Variants in TLN2 observed in about 807,000 individuals in gnomAD.
TLN2 encodes the protein talin-2.
A neutral mutation model predicts 294.7 loss-of-function variants in TLN2; 118 were observed. The ratio of observed to expected loss-of-function variants is 0.40; its 90% CI spans 0.34 to 0.47. The LOEUF is 0.47. Ranked by LOEUF, TLN2 falls within the 20% of genes least tolerant of loss-of-function variation. TLN2 has a pLI of 0.84. For missense variants in TLN2, 3,083 were observed against 3,282.2 expected (o/e 0.94, Z 1.48); for synonymous variants, 1,431 against 1,304.5 (o/e 1.10, Z -2.09).
intron 15 of TLN2, 91 bp downstream of exon 15, chr15:62,697,959 G>T: frequency 6.9e-7 from 1 of 1,457,356 alleles, no homozygotes; most frequent in South Asian, 1.2e-5. Context: ...CTGAGTGTTG[G>T]AACGCTCTCT....
intron 3 of TLN2, among the ~76,000 whole-genome samples, chr15:62,620,080 A>G (rs930347158): frequency 1.3e-5 from 2 of 152,158 alleles, no homozygotes; most frequent in Admixed American, 6.5e-5. Flanking sequence ...GGCTCAAGCA[A>G]TCCTCCCACC....
chr15:62,654,546 G>T (rs894156879), intron 7 of TLN2, among the ~76,000 whole-genome samples: 1 of 151,922 alleles, frequency 6.6e-6, no homozygotes, highest in African/African-American at 2.4e-5. Context: ...TTGAGGTCAG[G>T]AGTTTGAGAC....
At chr15:62,819,667 A>G (rs1354732671) in intron 53 of TLN2, 46 bp downstream of exon 53, 6 of 1,546,626 alleles carry the variant, frequency 3.9e-6, no homozygotes, top group Admixed American at 1.7e-5. Flanking sequence ...CCTCCCAGGC[A>G]GTGCTAATAC....
chr15:62,529,959 A>AG (rs745931465), intron 1 of TLN2, among the ~76,000 whole-genome samples: 14 of 152,148 alleles, frequency 9.2e-5, no homozygotes, highest in East Asian at 1.9e-4. Context: ...TGGGAGGCTA[A>AG]GGGGGGCGGA....
chr15:62,439,668 A>C (rs1197272079), intron 1 of TLN2, among the ~76,000 whole-genome samples: 1 of 152,168 alleles, frequency 6.6e-6, no homozygotes, highest in Non-Finnish European at 1.5e-5. Context: ...GAAGCCCCAC[A>C]GTGAGAATAA....
At position 62,707,094 on chromosome 15, in the gene TLN2, A is replaced by G. The variant is rs778175505; in HGVS notation, c.2013A>G (p.Leu671=). 6.2e-7 allele frequency: 1 copy of G among 1,611,872 alleles called. No homozygotes were observed. The highest frequency in any genetic ancestry group is 8.5e-7 in the Non-Finnish European group (1 of 1,178,672). Reference sequence around the variant, plus strand: ...TGATTCCCTTTTCTTAGGATGTTTTAATGAGTTTGGCCAAAGCTGTTGCCA... The same window carrying G: ...TGATTCCCTTTTCTTAGGATGTTTTGATGAGTTTGGCCAAAGCTGTTGCCA... ...NETDERFQDV[L]MSLAKAVANA... The change falls in exon 20 of 59, where the codon TTA becomes TTG. Residue 671 remains leucine (L), a synonymous_variant. Transcript: ENST00000636159.
At chr15:62,676,815 G>A (rs547673625) in intron 11 of TLN2, among the ~76,000 whole-genome samples, 10 of 152,214 alleles carry the variant, frequency 6.6e-5, no homozygotes, top group South Asian at 2.1e-4. Flanking sequence ...GGGTTTCACC[G>A]TGTTGCCCAG....
At chr15:62,838,330 C>G (rs1312765487) in intron 57 of TLN2, among the ~76,000 whole-genome samples, 2 of 152,174 alleles carry the variant, frequency 1.3e-5, no homozygotes, top group African/African-American at 4.8e-5. Flanking sequence ...TGCTGACTGT[C>G]CAGGAGGGAA....
rs1302041102 is a variant in TLN2 at position 62,477,879 on chromosome 15, C to G, written c.-238+87194C>G. Among the ~76,000 whole-genome samples the G allele has an allele frequency of 1.5e-4, 3 of 19,920 alleles. No individual in the cohort carries two copies. The East Asian group carries it at 4.2e-3, about 28-fold the overall frequency. 13.1% of individuals were successfully genotyped at this position (19,920 alleles called of 152,430 possible). On this transcript the variant is annotated intron_variant, in intron 1 of 58. Coordinates refer to ENST00000636159, the MANE Select transcript of TLN2 (RefSeq NM_015059.3). Reference sequence around the variant, plus strand: ...TGGCCCAAGGGTTGTGCTCCTGATACTGGCAGGTGGTGGGGGGGATGGAGG... The same window carrying G: ...TGGCCCAAGGGTTGTGCTCCTGATAGTGGCAGGTGGTGGGGGGGATGGAGG...
intron 1 of TLN2, among the ~76,000 whole-genome samples, chr15:62,502,398 G>T (rs2039355241): frequency 6.6e-6 from 1 of 152,212 alleles, no homozygotes; most frequent in Non-Finnish European, 1.5e-5. Context: ...TAAGGAGGAA[G>T]AATGTCTTTG....
intron 40 of TLN2, among the ~76,000 whole-genome samples, chr15:62,764,924 T>C: frequency 7.0e-6 from 1 of 143,856 alleles, no homozygotes. Context: ...TGAGCCGAGA[T>C]CACACTGCCG....
chr15:62,495,681 A>G (rs112677222), intron 1 of TLN2, among the ~76,000 whole-genome samples: 11 of 152,362 alleles, frequency 7.2e-5, no homozygotes, highest in Admixed American at 2.6e-4. Flanking sequence ...GCCCAGGCCT[A>G]TCACCTATTA....
intron 11 of TLN2, among the ~76,000 whole-genome samples, chr15:62,686,069 C>G (rs766427037): frequency 5.9e-5 from 9 of 152,124 alleles, no homozygotes; most frequent in Non-Finnish European, 1.3e-4. Context: ...ATAGACATTA[C>G]TATATCTTAA....
chr15:62,748,815 G>T (rs994742437), intron 33 of TLN2, among the ~76,000 whole-genome samples: 1 of 152,210 alleles, frequency 6.6e-6, no homozygotes, highest in Non-Finnish European at 1.5e-5. Flanking sequence ...GAACAATGGG[G>T]AGAGAGCTAG....
chr15:62,396,289 C>T (rs750922281), intron 1 of TLN2, among the ~76,000 whole-genome samples: 1 of 152,206 alleles, frequency 6.6e-6, no homozygotes, highest in Non-Finnish European at 1.5e-5. Flanking sequence ...CTTGTTCAAA[C>T]ACGCAGGCTT....
rs1476474368 is a variant in TLN2 at position 62,844,468 on chromosome 15, G to A, written c.*3858G>A. 6.6e-6 allele frequency: 1 copy of A among 152,020 alleles called. No individual in the cohort carries two copies. Among genetic ancestry groups the A allele is most frequent in the South Asian group, 2.1e-4 (1 of 4,818 alleles). 9.4% of individuals were successfully genotyped at this position (152,020 alleles called of 1,614,324 possible). ...TGCATCTCTTCATCCCACAAAACAC[G>A]AGGCTGGGTCTCATTCAGCGGCCTC... On this transcript the variant is annotated 3_prime_UTR_variant, in exon 59 of 59. Transcript: ENST00000636159.
At chr15:62,559,059 C>T (rs2042768402) in intron 1 of TLN2, among the ~76,000 whole-genome samples, 1 of 152,160 alleles carries the variant, frequency 6.6e-6, no homozygotes. Flanking sequence ...TGATTCTCTT[C>T]AAACCCCTGT....
At chr15:62,667,956 A>C (rs114969076) in intron 9 of TLN2, among the ~76,000 whole-genome samples, 184 of 152,342 alleles carry the variant, frequency 1.2e-3, no homozygotes, top group African/African-American at 4.2e-3. Flanking sequence ...CCACACAGAG[A>C]AATGAAAATA....
chr15:62,392,938 G>T (rs966979725), intron 1 of TLN2, among the ~76,000 whole-genome samples: 4 of 152,146 alleles, frequency 2.6e-5, no homozygotes, highest in Non-Finnish European at 5.9e-5. Context: ...TGCAAAATCA[G>T]AGGATGGCGG....
Sources: allele counts gnomAD v4.1 joint callset (sites outside exome capture counted in the v4.1 genomes callset), GRCh38; gene constraint gnomAD v4.1.1; transcripts MANE v1.5; gene names NCBI Gene and HGNC (gene_info 2026-07-23, HGNC 2026-07-21).